SAR1B: variants seen among roughly 807,000 people sequenced by gnomAD.
The protein encoded by SAR1B is secretion associated Ras related GTPase 1B.
In SAR1B, 23 loss-of-function variants were observed where a neutral mutation model predicts 26.8. The ratio of observed to expected loss-of-function variants is 0.86; its 90% CI spans 0.62 to 1.22. SAR1B has a LOEUF of 1.22. SAR1B is among the 50% of genes most tolerant of loss of function. The probability of loss-of-function intolerance (pLI) is 0.00; values close to 1 mark genes in which losing one functional copy is unlikely to be tolerated. For synonymous variants in SAR1B, 65 were observed against 80.8 expected (o/e 0.80, Z 1.05); for missense variants, 196 against 232.8 (o/e 0.84, Z 1.03).
intron 3 of SAR1B, chr5:134,613,141 A>G (rs964981392): frequency 3.2e-4 from 96 of 296,628 alleles, no homozygotes; most frequent in African/African-American, 2.2e-3. Flanking sequence ...CCTCTTTTAA[A>G]AAGTTCTAAG....
chr5:134,627,316 G>C (rs1371609361), intron 1 of SAR1B, among the ~76,000 whole-genome samples: 1 of 151,086 alleles, frequency 6.6e-6, no homozygotes, highest in East Asian at 2.0e-4. Context: ...CTCCCAAAGT[G>C]TTGGGATTAC....
chr5:134,619,421 G>T (rs555178465), intron 3 of SAR1B, among the ~76,000 whole-genome samples: 2 of 151,656 alleles, frequency 1.3e-5, no homozygotes, highest in African/African-American at 2.4e-5. Context: ...GTGCAGTGGT[G>T]CAATCATAGC....
At chr5:134,623,287 A>G (rs1249491072) in intron 2 of SAR1B, among the ~76,000 whole-genome samples, 1 of 151,812 alleles carries the variant, frequency 6.6e-6, no homozygotes, top group Non-Finnish European at 1.5e-5. Flanking sequence ...CAAAAAATAC[A>G]AAAATTAGCT....
chr5:134,609,448 A>C, intron 5 of SAR1B, 123 bp downstream of exon 5: 1 of 773,838 alleles, frequency 1.3e-6, no homozygotes, highest in Non-Finnish European at 2.3e-6. Context: ...TGAGCTCAAC[A>C]AATTGCCAAG....
In SAR1B at chr5:134,612,680, A is replaced by AAAAAAAAATT; in HGVS notation, c.244+10_244+11insAATTTTTTTT. The AAAAAAAAATT allele has an allele frequency of 1.9e-6, 2 of 1,043,422 alleles. No individual in the cohort carries two copies. Among genetic ancestry groups the AAAAAAAAATT allele is most frequent in the Non-Finnish European group, 2.6e-6 (2 of 760,626 alleles). 64.6% of individuals were successfully genotyped at this position (1,043,422 alleles called of 1,614,324 possible). On this transcript the variant is annotated intron_variant, in intron 4 of 6. Coordinates refer to ENST00000402673, the MANE Select transcript of SAR1B (RefSeq NM_016103.4). The stretch of plus-strand genomic sequence containing the variant: ...AAAAAAAAAAAAAAAAAAAAAAAAA[A>AAAAAAAAATT]AGAATCTTACCTTGAACATGTCCAC...
In SAR1B at chr5:134,603,609, G is replaced by T. The variant is rs1765079029; in HGVS notation, c.*3341C>A. On this transcript the variant is annotated 3_prime_UTR_variant, in exon 7 of 7. Coordinates refer to ENST00000402673, the MANE Select transcript of SAR1B (RefSeq NM_016103.4). ...AGGTCAGGAGTTCGAGACCAGCCTG[G>T]CCAACATAGTGAAACCCCATCTCTA... 1.3e-5 allele frequency: 2 copies of T among 152,030 alleles called. No individual in the cohort carries two copies. Among genetic ancestry groups the T allele is most frequent in the African/African-American group, 4.8e-5 (2 of 41,366 alleles). 9.4% of individuals were successfully genotyped at this position (152,030 alleles called of 1,614,324 possible). A position where few individuals can be genotyped will look rare whatever the true frequency, so the allele number is the denominator to read the frequency against.
chr5:134,608,526 A>C, intron 5 of SAR1B, 23 bp from the exon 6 acceptor site: 1 of 1,606,140 alleles, frequency 6.2e-7, no homozygotes, highest in Non-Finnish European at 8.5e-7. Context: ...AAACAATACA[A>C]AACAAGAGTT....
chr5:134,601,575 T>C lies in SAR1B; in HGVS notation c.*5375A>G, dbSNP rs892080724. ...GCTCTTGCCTCAGTATGGCAACTGATTATGAGTTCAGGTTAAGAGCAACAC... is the reference window on the plus strand; with the variant it reads ...GCTCTTGCCTCAGTATGGCAACTGACTATGAGTTCAGGTTAAGAGCAACAC... On this transcript the variant is annotated 3_prime_UTR_variant, in exon 7 of 7. Transcript: ENST00000402673. 3 of 152,184 alleles carry C rather than the reference T, an allele frequency of 2.0e-5. No individual in the cohort carries two copies. The highest frequency in any genetic ancestry group is 6.5e-5 in the Admixed American group (1 of 15,278). The allele number at this position is 152,184 out of a possible 1,614,324, so 9.4% of individuals were successfully genotyped here.
chr5:134,622,072 G>T (rs1268691409), intron 2 of SAR1B, among the ~76,000 whole-genome samples: 2 of 152,142 alleles, frequency 1.3e-5, no homozygotes, highest in Admixed American at 1.3e-4. Flanking sequence ...AAAATTACAT[G>T]TGAGCCACCA....
In SAR1B at chr5:134,606,593, C is replaced by A; in HGVS notation, c.*357G>T. On this transcript the variant is annotated 3_prime_UTR_variant, in exon 7 of 7. Coordinates refer to ENST00000402673, the MANE Select transcript of SAR1B (RefSeq NM_016103.4). ...TTTAAAAACTAGTTCCAGAAAAGTA[C>A]ATAAAAAATTTAACATGATGAGCTT... 1 of 233,976 alleles carries A rather than the reference C, an allele frequency of 4.3e-6. No homozygotes were observed. Among genetic ancestry groups the A allele is most frequent in the Non-Finnish European group, 8.6e-6 (1 of 115,636 alleles). 14.5% of individuals were successfully genotyped at this position (233,976 alleles called of 1,614,324 possible). A position where few individuals can be genotyped will look rare whatever the true frequency, so the allele number is the denominator to read the frequency against.
intron 3 of SAR1B, among the ~76,000 whole-genome samples, chr5:134,620,223 G>A (rs752471072): frequency 4.0e-5 from 6 of 151,530 alleles, no homozygotes; most frequent in South Asian, 4.2e-4. Flanking sequence ...GGAGAATGGC[G>A]TGAACCCGGG....
chr5:134,612,679 A>AAAAAAAAAAAAAAAAAAAAAAAAT lies in SAR1B; in HGVS notation c.244+11_244+12insATTTTTTTTTTTTTTTTTTTTTTT. 3 of 991,778 alleles carry AAAAAAAAAAAAAAAAAAAAAAAAT rather than the reference A, an allele frequency of 3.0e-6. No individual in the cohort carries two copies. Among genetic ancestry groups the AAAAAAAAAAAAAAAAAAAAAAAAT allele is most frequent in the Non-Finnish European group, 4.2e-6 (3 of 712,512 alleles). 61.4% of individuals were successfully genotyped at this position (991,778 alleles called of 1,614,324 possible). ...AAAAAAAAAAAAAAAAAAAAAAAAAAAAGAATCTTACCTTGAACATGTCCA... is the reference window on the plus strand; with the variant it reads ...AAAAAAAAAAAAAAAAAAAAAAAAAAAAAAAAAAAAAAAAAAAAAAAAATAAGAATCTTACCTTGAACATGTCCA... On this transcript the variant is annotated intron_variant, in intron 4 of 6. Coordinates refer to ENST00000402673, the MANE Select transcript of SAR1B (RefSeq NM_016103.4).
chr5:134,610,516 G>C (rs1268782858), intron 4 of SAR1B, among the ~76,000 whole-genome samples: 2 of 140,416 alleles, frequency 1.4e-5, no homozygotes, highest in Admixed American at 1.5e-4. Context: ...GCAGTGAGCC[G>C]AGATCATGCC....
At chr5:134,618,671 T>C (rs1371594303) in intron 3 of SAR1B, among the ~76,000 whole-genome samples, 1 of 152,230 alleles carries the variant, frequency 6.6e-6, no homozygotes, top group Non-Finnish European at 1.5e-5. Flanking sequence ...ATTCGTTACA[T>C]AACCTTAAAT....
chr5:134,624,040 GAA>G lies in SAR1B; in HGVS notation c.-18-5_-18-4del, dbSNP rs749246564. The G allele has an allele frequency of 1.3e-6, 2 of 1,567,578 alleles. No individual in the cohort carries two copies. The highest frequency in any genetic ancestry group is 1.7e-5 in the Admixed American group (1 of 59,842). On this transcript the variant is annotated splice_region_variant and splice_polypyrimidine_tract_variant and intron_variant, in intron 1 of 6. Transcript: ENST00000402673. ...GACATATCCAAATCTGATAGGGTCTGAAAAAAAAGAGTTTGAATTTAGTAGTC... is the reference window on the plus strand; with the variant it reads ...GACATATCCAAATCTGATAGGGTCTGAAAAAAGAGTTTGAATTTAGTAGTC...
chr5:134,609,174 C>A, intron 5 of SAR1B: 1 of 452,188 alleles, frequency 2.2e-6, no homozygotes, highest in South Asian at 1.6e-5. Context: ...TGCCTCTGCT[C>A]ACTCCTGGGA....
chr5:134,626,670 A>G (rs1765499348), intron 1 of SAR1B, among the ~76,000 whole-genome samples: 1 of 152,234 alleles, frequency 6.6e-6, no homozygotes, highest in Non-Finnish European at 1.5e-5. Context: ...ACAGAATCTC[A>G]GATTACAAGT....
Position 134,623,946 on chromosome 5 carries a change from A to T in SAR1B, c.58+16T>A, listed in dbSNP as rs1447468869. 6.4e-7 allele frequency: 1 copy of T among 1,571,850 alleles called. No homozygotes were observed. Among genetic ancestry groups the T allele is most frequent in the South Asian group, 1.1e-5 (1 of 90,156 alleles). ...ACCAAAGGGGATAACTGTAGAGAAC[A>T]AAGGACCAACATTACCTAAAAACTG... is the stretch of plus-strand genomic sequence containing the variant. On this transcript the variant is annotated intron_variant, in intron 2 of 6. Transcript: ENST00000402673.
intron 4 of SAR1B, among the ~76,000 whole-genome samples, chr5:134,612,185 C>T (rs1318465854): frequency 6.6e-6 from 1 of 152,030 alleles, no homozygotes; most frequent in African/African-American, 2.4e-5. Flanking sequence ...ATGATTATGA[C>T]AGTGAGAGGT....
Sources: gnomAD v4.1 joint callset for allele counts (sites outside exome capture counted in the v4.1 genomes callset) on GRCh38, gnomAD v4.1.1 for gene constraint, MANE v1.5 for transcripts, NCBI Gene and HGNC (gene_info 2026-07-23, HGNC 2026-07-21) for gene names.